Variants in RAB36 observed in about 807,000 individuals in gnomAD.
The protein encoded by RAB36 is RAB36, member RAS oncogene family.
RAB36 carries 33 observed loss-of-function variants against 39.3 expected under a neutral mutation model. That is an observed-to-expected ratio of 0.84 (90% CI 0.64 to 1.12). RAB36 has a LOEUF of 1.12. Among genes scored for constraint, RAB36 ranks in the 50% most tolerant of loss-of-function variants. The probability of loss-of-function intolerance (pLI) is 0.00; values close to 1 mark genes in which losing one functional copy is unlikely to be tolerated. For synonymous variants in RAB36, 133 were observed against 140.2 expected, an observed-to-expected ratio of 0.95 and a Z score of 0.36; for missense variants, 308 against 355.3, an observed-to-expected ratio of 0.87 and a Z score of 1.07.
At chr22:23,155,915 CTG>C (rs2071421094) in intron 5 of RAB36, 51 bp from the exon 6 acceptor site, 2 of 1,523,854 alleles carry the variant, frequency 1.3e-6, no homozygotes, top group Non-Finnish European at 1.8e-6. Flanking sequence ...GCTCAAGACA[CTG>C]TGATTGTGTA....
chr22:23,153,258 G>C lies in RAB36; in HGVS notation c.329+124G>C, dbSNP rs552475822. ...TAGTCTAGACAAGCAGAGCCTGGGG[G>C]TGTTGTGTGACACTTAGCTTCCTGG... On this transcript the variant is annotated intron_variant, in intron 5 of 10. Coordinates refer to ENST00000263116, the MANE Select transcript of RAB36 (RefSeq NM_004914.5). 1.0e-4 allele frequency: 75 copies of C among 751,054 alleles called. No individual in the cohort carries two copies. The African/African-American group carries it at 1.3e-3, about 13-fold the overall frequency. The allele number at this position is 751,054 out of a possible 1,614,324, so 46.5% of individuals were successfully genotyped here. A position where few individuals can be genotyped will look rare whatever the true frequency, so the allele number is the denominator to read the frequency against.
At chr22:23,150,782 G>A (rs1280784112) in intron 3 of RAB36, among the ~76,000 whole-genome samples, 2 of 152,066 alleles carry the variant, frequency 1.3e-5, no homozygotes, top group South Asian at 2.1e-4. Flanking sequence ...AGGTCTCAGC[G>A]TGTCAAGTCC....
At chr22:23,152,632 T>C in intron 4 of RAB36, 106 bp downstream of exon 4, 1 of 1,123,080 alleles carries the variant, frequency 8.9e-7, no homozygotes, top group Non-Finnish European at 1.3e-6. Flanking sequence ...TCATGTGGCT[T>C]CCAGGAACTG....
At chr22:23,147,220 A>G (rs371179031) in intron 2 of RAB36, among the ~76,000 whole-genome samples, 219 of 152,290 alleles carry the variant, frequency 1.4e-3, no homozygotes, top group African/African-American at 5.2e-3. Flanking sequence ...ATTAAAATCC[A>G]ATATTAATTG....
intron 10 of RAB36, 26 bp from the exon 11 acceptor site, chr22:23,161,474 C>T (rs747954362): frequency 6.3e-7 from 1 of 1,582,784 alleles, no homozygotes. Context: ...CTGGTTGATG[C>T]TAAATTACTT....
intron 1 of RAB36, 133 bp downstream of exon 1, chr22:23,145,684 G>T: frequency 9.1e-7 from 1 of 1,103,136 alleles, no homozygotes; most frequent in Non-Finnish European, 1.3e-6. Context: ...GCGGCCTGCG[G>T]CCCCGGGGCG....
intron 5 of RAB36, among the ~76,000 whole-genome samples, chr22:23,155,203 A>G (rs985138699): frequency 2.0e-5 from 3 of 152,180 alleles, no homozygotes; most frequent in Admixed American, 1.3e-4. Context: ...GAAAAGTTCA[A>G]TTTTGATCAG....
chr22:23,165,238 C>T lies in RAB36; in HGVS notation c.*3674C>T, dbSNP rs1003470654. 6.6e-6 allele frequency among the ~76,000 whole-genome samples: 1 copy of T among 152,182 alleles called. No individual in the cohort carries two copies. Among genetic ancestry groups the T allele is most frequent in the Non-Finnish European group, 1.5e-5 (1 of 68,022 alleles). On this transcript the variant is annotated 3_prime_UTR_variant, in exon 11 of 11. Coordinates refer to ENST00000263116, the MANE Select transcript of RAB36 (RefSeq NM_004914.5). ...AGCAAGAAGGTTGCTCAAACAAGAC[C>T]ATGTTCCCAGCAGACAGATTGCACT... is the stretch of plus-strand genomic sequence containing the variant.
At chr22:23,154,149 A>G (rs1254838502) in intron 5 of RAB36, among the ~76,000 whole-genome samples, 1 of 148,790 alleles carries the variant, frequency 6.7e-6, no homozygotes. Context: ...CTGCCCCGGC[A>G]CCTGGAGAAT....
intron 10 of RAB36, 51 bp downstream of exon 10, chr22:23,161,049 A>G: frequency 6.4e-7 from 1 of 1,551,414 alleles, no homozygotes; most frequent in Non-Finnish European, 8.7e-7. Context: ...GGAGGCCTAA[A>G]ATCCACATGC....
chr22:23,160,012 G>A (rs555052380), intron 9 of RAB36, among the ~76,000 whole-genome samples: 45 of 152,320 alleles, frequency 3.0e-4, no homozygotes, highest in African/African-American at 1.0e-3. Context: ...GCAAACACAG[G>A]TTGTTGGGGG....
At chr22:23,158,069 C>A (rs1174106140) in intron 7 of RAB36, 26 bp downstream of exon 7, 11 of 1,613,486 alleles carry the variant, frequency 6.8e-6, no homozygotes, top group Non-Finnish European at 9.3e-6. Context: ...CTGGCCCCTG[C>A]AGTCTCCCTG....
intron 1 of RAB36, 23 bp from the exon 2 acceptor site, chr22:23,146,582 C>A (rs1409071298): frequency 6.2e-7 from 1 of 1,611,960 alleles, no homozygotes; most frequent in Admixed American, 1.7e-5. Context: ...CCTTAACTGT[C>A]TTTCTCCTGG....
chr22:23,147,169 G>A (rs989094875), intron 2 of RAB36, among the ~76,000 whole-genome samples: 8 of 151,924 alleles, frequency 5.3e-5, no homozygotes, highest in African/African-American at 9.7e-5. Context: ...TTGCCATTCC[G>A]CCTCTATGAG....
chr22:23,152,399 G>T (rs374322978), intron 3 of RAB36, 62 bp from the exon 4 acceptor site: 111 of 1,547,304 alleles, frequency 7.2e-5, no homozygotes, highest in Non-Finnish European at 9.5e-5. Flanking sequence ...GGAAGGGGCT[G>T]TGAGTGTCTG....
intron 3 of RAB36, 68 bp downstream of exon 3, chr22:23,150,222 A>G: frequency 1.6e-6 from 2 of 1,262,224 alleles, no homozygotes; most frequent in South Asian, 2.5e-5. Context: ...AGCACGTGAA[A>G]GAATGAACAA....
intron 6 of RAB36, among the ~76,000 whole-genome samples, chr22:23,156,495 G>A (rs1315007209): frequency 6.6e-6 from 1 of 152,138 alleles, no homozygotes; most frequent in Non-Finnish European, 1.5e-5. Context: ...CATGGCCAAG[G>A]GCAGCCAGGT....
chr22:23,161,486 T>A lies in RAB36; in HGVS notation c.740-14T>A. ...TTCCTGGTTGATGCTAAATTACTTC[T>A]CCCCTCCTTACAGAAATGGAAGGGA... On this transcript the variant is annotated splice_polypyrimidine_tract_variant and intron_variant, in intron 10 of 10. Transcript: ENST00000263116. 6.2e-7 allele frequency: 1 copy of A among 1,600,900 alleles called. No homozygotes were observed. Among genetic ancestry groups the A allele is most frequent in the Non-Finnish European group, 8.6e-7 (1 of 1,168,736 alleles).
chr22:23,149,750 G>A (rs902021840), intron 2 of RAB36, among the ~76,000 whole-genome samples: 3 of 152,166 alleles, frequency 2.0e-5, no homozygotes, highest in Non-Finnish European at 2.9e-5. Context: ...CACTCGTCTC[G>A]CCCTGAGAGG....
Sources: allele counts gnomAD v4.1 joint callset (sites outside exome capture counted in the v4.1 genomes callset), GRCh38; gene constraint gnomAD v4.1.1; transcripts MANE v1.5; gene names NCBI Gene and HGNC (gene_info 2026-07-23, HGNC 2026-07-21).